Variants in XYLT1 observed in about 807,000 individuals in gnomAD.
The protein encoded by XYLT1 is beta-D-xylosyltransferase 1.
XYLT1 carries 36 observed loss-of-function variants against 91.3 expected under a neutral mutation model. That is an observed-to-expected ratio of 0.39 (90% CI 0.30 to 0.52). The LOEUF is 0.52. XYLT1 is among the 20% of genes least tolerant of loss of function. The probability of loss-of-function intolerance (pLI) is 0.68; values close to 1 mark genes in which losing one functional copy is unlikely to be tolerated. For missense variants in XYLT1, 1,242 were observed against 1,284.5 expected, an observed-to-expected ratio of 0.97 and a Z score of 0.51; for synonymous variants, 588 against 532.0, an observed-to-expected ratio of 1.11 and a Z score of -1.45.
rs772086951 is a variant in XYLT1 at position 17,117,993 on chromosome 16, G to A, written c.2224-14C>T. On this transcript the variant is annotated splice_polypyrimidine_tract_variant and intron_variant, in intron 10 of 11. Coordinates refer to ENST00000261381, the MANE Select transcript of XYLT1 (RefSeq NM_022166.4). The stretch of plus-strand genomic sequence containing the variant: ...GTCAGTGCCGACCTGAAACAGGGGA[G>A]TGAATTCTGAAGTCACTGGGCCTGA... The A allele has an allele frequency of 6.2e-7, 1 of 1,600,020 alleles. No homozygotes were observed. Among genetic ancestry groups the A allele is most frequent in the South Asian group, 1.1e-5 (1 of 89,514 alleles).
chr16:17,338,067 C>T, intron 2 of XYLT1: 1 of 400,712 alleles, frequency 2.5e-6, no homozygotes. Context: ...CGCACCCGGC[C>T]CCCGTTCTAC....
chr16:17,332,333 G>C (rs138773833), intron 2 of XYLT1, among the ~76,000 whole-genome samples: 4,618 of 152,266 alleles, frequency 0.03, 190 homozygotes, highest in African/African-American at 0.087. Context: ...AGGCTGAAGC[G>C]GGCAGATCAC....
chr16:17,305,868 CCT>C (rs2034463610), intron 2 of XYLT1, among the ~76,000 whole-genome samples: 1 of 152,170 alleles, frequency 6.6e-6, no homozygotes, highest in Non-Finnish European at 1.5e-5. Flanking sequence ...TTCCCCTTCC[CCT>C]GACACCGCCG....
At chr16:17,289,245 AC>A (rs1414140198) in intron 2 of XYLT1, among the ~76,000 whole-genome samples, 2 of 152,216 alleles carry the variant, frequency 1.3e-5, no homozygotes, top group African/African-American at 2.4e-5. Flanking sequence ...ATTTCTAAAA[AC>A]AGGTGGAGGG....
chr16:17,201,233 T>C (rs912029201), intron 3 of XYLT1, among the ~76,000 whole-genome samples: 6 of 152,196 alleles, frequency 3.9e-5, no homozygotes, highest in Admixed American at 6.5e-5. Context: ...TGAAACTTCA[T>C]CATCCAATAC....
Position 17,102,889 on chromosome 16 carries a change from G to A in XYLT1, c.*5806C>T, listed in dbSNP as rs939115916. 6.6e-6 allele frequency: 1 copy of A among 151,976 alleles called. No individual in the cohort carries two copies. The highest frequency in any genetic ancestry group is 2.4e-5 in the African/African-American group (1 of 41,218). The allele number at this position is 151,976 out of a possible 1,614,324, so 9.4% of individuals were successfully genotyped here. ...TGTCTTTGAAAACAATGAAGGGGAC[G>A]GTAATAACTTAGAGTGAGGCCTCTA... On this transcript the variant is annotated 3_prime_UTR_variant, in exon 12 of 12. Transcript: ENST00000261381.
chr16:17,379,757 T>TTTCACACACACACACACA (rs1555501187), intron 1 of XYLT1, among the ~76,000 whole-genome samples: 2 of 129,924 alleles, frequency 1.5e-5, no homozygotes, highest in African/African-American at 6.8e-5. Context: ...TCTCTCTCTC[T>TTTCACACACACACACACA]CTCTCTCACA....
At chr16:17,306,557 G>GATATATATATATATATATATAT (rs35971345) in intron 2 of XYLT1, among the ~76,000 whole-genome samples, 2 of 146,472 alleles carry the variant, frequency 1.4e-5, no homozygotes, top group Non-Finnish European at 3.0e-5. Flanking sequence ...TGTCACAAAA[G>GATATATATATATATATATATAT]ATATATATAT....
intron 1 of XYLT1, among the ~76,000 whole-genome samples, chr16:17,373,131 T>A (rs139181290): frequency 1.2e-4 from 19 of 152,278 alleles, no homozygotes; most frequent in African/African-American, 4.3e-4. Context: ...CCTTGGATCA[T>A]CCAATATTAT....
chr16:17,224,744 C>T (rs1354783101), intron 3 of XYLT1, among the ~76,000 whole-genome samples: 1 of 152,188 alleles, frequency 6.6e-6, no homozygotes, highest in East Asian at 1.9e-4. Context: ...GAATGTGACA[C>T]TTATCAACAT....
At chr16:17,451,223 C>T (rs2036661931) in intron 1 of XYLT1, among the ~76,000 whole-genome samples, 1 of 152,172 alleles carries the variant, frequency 6.6e-6, no homozygotes, top group Non-Finnish European at 1.5e-5. Context: ...GGGAACCTCA[C>T]CCCAGAAAAC....
chr16:17,313,977 A>G (rs1444143133), intron 2 of XYLT1, among the ~76,000 whole-genome samples: 2 of 152,232 alleles, frequency 1.3e-5, no homozygotes, highest in African/African-American at 2.4e-5. Flanking sequence ...CCATGTGTCA[A>G]GGTCATCAGT....
At chr16:17,333,231 AAAG>A (rs1321124534) in intron 2 of XYLT1, among the ~76,000 whole-genome samples, 1 of 152,230 alleles carries the variant, frequency 6.6e-6, no homozygotes, top group East Asian at 1.9e-4. Flanking sequence ...AAAAAAGTAA[AAAG>A]AAATTGATTA....
intron 1 of XYLT1, among the ~76,000 whole-genome samples, chr16:17,380,397 T>C (rs1168290746): frequency 6.6e-6 from 1 of 152,228 alleles, no homozygotes; most frequent in Non-Finnish European, 1.5e-5. Context: ...AAAGTGGTTG[T>C]ATATCCCATG....
intron 2 of XYLT1, among the ~76,000 whole-genome samples, chr16:17,308,617 C>T (rs949947357): frequency 7.2e-5 from 11 of 152,156 alleles, no homozygotes; most frequent in Admixed American, 7.2e-4. Flanking sequence ...CTTTCCTACC[C>T]AAAGACCACC....
chr16:17,434,099 G>A (rs1338155919), intron 1 of XYLT1, among the ~76,000 whole-genome samples: 1 of 152,148 alleles, frequency 6.6e-6, no homozygotes, highest in Admixed American at 6.5e-5. Flanking sequence ...CAGTGTGTTT[G>A]GGGTTTTCTA....
At chr16:17,318,178 T>A (rs965198962) in intron 2 of XYLT1, among the ~76,000 whole-genome samples, 4 of 152,246 alleles carry the variant, frequency 2.6e-5, no homozygotes, top group Admixed American at 1.3e-4. Flanking sequence ...TACCAACACA[T>A]AGCGGATGCT....
intron 5 of XYLT1, among the ~76,000 whole-genome samples, chr16:17,164,431 G>C (rs1339521189): frequency 1.3e-5 from 2 of 151,990 alleles, no homozygotes; most frequent in Non-Finnish European, 2.9e-5. Context: ...GGTACTGGAT[G>C]GATTCACATT....
intron 3 of XYLT1, among the ~76,000 whole-genome samples, chr16:17,212,889 C>A (rs912319597): frequency 3.9e-5 from 6 of 152,334 alleles, no homozygotes; most frequent in African/African-American, 1.4e-4. Context: ...TGCGCTGTGG[C>A]CTGCAAGCTC....
Sources: allele counts gnomAD v4.1 joint callset (sites outside exome capture counted in the v4.1 genomes callset), GRCh38; gene constraint gnomAD v4.1.1; transcripts MANE v1.5; gene names NCBI Gene and HGNC (gene_info 2026-07-23, HGNC 2026-07-21).